Variants in KIF6 observed in about 807,000 individuals in gnomAD.
KIF6 encodes kinesin family member 6.
A neutral mutation model predicts 112.7 loss-of-function variants in KIF6; 106 were observed. That is an observed-to-expected ratio of 0.94 (90% CI 0.80 to 1.11). KIF6 has a LOEUF of 1.11. Ranked by LOEUF, KIF6 falls within the 50% of genes least tolerant of loss-of-function variation. KIF6 has a pLI of 0.00. For missense variants in KIF6, 929 were observed against 964.0 expected (o/e 0.96, Z 0.48); for synonymous variants, 339 against 339.9 (o/e 1.00, Z 0.03).
intron 3 of KIF6, among the ~76,000 whole-genome samples, chr6:39,707,215 C>T (rs1789262968): frequency 6.6e-6 from 1 of 152,206 alleles, no homozygotes; most frequent in Non-Finnish European, 1.5e-5. Flanking sequence ...TAACATTTTA[C>T]CAGTTTGAAT....
At chr6:39,485,912 G>A (rs1344374768) in intron 13 of KIF6, among the ~76,000 whole-genome samples, 1 of 152,176 alleles carries the variant, frequency 6.6e-6, no homozygotes, top group African/African-American at 2.4e-5. Context: ...GGAGATAGGT[G>A]TATATATTAT....
At chr6:39,454,685 G>A (rs1378248702) in intron 13 of KIF6, among the ~76,000 whole-genome samples, 1 of 152,226 alleles carries the variant, frequency 6.6e-6, no homozygotes, top group Non-Finnish European at 1.5e-5. Context: ...AGCCGAAGCA[G>A]GGCGAGGCAT....
At chr6:39,358,923 CCT>C (rs375689797) in intron 18 of KIF6, among the ~76,000 whole-genome samples, 40 of 152,228 alleles carry the variant, frequency 2.6e-4, no homozygotes, top group African/African-American at 9.6e-4. Flanking sequence ...AAATATTGGG[CCT>C]ACACCTAGAT....
rs181075104 is a variant in KIF6 at position 39,634,550 on chromosome 6, G to C, written c.509+299C>G. 2.2e-4 allele frequency among the ~76,000 whole-genome samples: 33 copies of C among 152,048 alleles called. 1 individual carries two copies. Among genetic ancestry groups the C allele is most frequent in the Non-Finnish European group, 4.4e-4 (30 of 67,992 alleles). On this transcript the variant is annotated intron_variant, in intron 5 of 22. Coordinates refer to ENST00000287152, the MANE Select transcript of KIF6 (RefSeq NM_145027.6). Reference sequence around the variant, plus strand: ...GGTTTCATGTGGCAGGAAGAAAGTAGTACTGTCATATCCCATCAATCCTCT... The same window carrying C: ...GGTTTCATGTGGCAGGAAGAAAGTACTACTGTCATATCCCATCAATCCTCT...
At chr6:39,585,030 T>A in intron 8 of KIF6, 46 bp from the exon 9 acceptor site, 7 of 1,043,126 alleles carry the variant, frequency 6.7e-6, no homozygotes, top group Non-Finnish European at 8.9e-6. Flanking sequence ...CATAGAGAGA[T>A]ATTTCTTTCT....
rs1279106315 is a variant in KIF6 at position 39,346,496 on chromosome 6, GC to G, written c.2210del (p.Gly737AlafsTer10). The G allele has an allele frequency of 4.2e-6, 3 of 715,134 alleles. No individual in the cohort carries two copies. Among genetic ancestry groups the G allele is most frequent in the Non-Finnish European group, 7.8e-6 (3 of 385,022 alleles). The allele number at this position is 715,134 out of a possible 1,614,324, so 44.3% of individuals were successfully genotyped here. ...CTCACCAGACATCGAATCTGCCAGT[GC>G]CTTGATCTTGGACTTCCCAGCCTCC... ...SSGGWEVQDQ[G>X]TGRFDVCDVN... On this transcript the variant is annotated frameshift_variant, in exon 20 of 23. Transcript: ENST00000287152. LOFTEE classifies it high-confidence loss of function.
intron 3 of KIF6, among the ~76,000 whole-genome samples, chr6:39,669,768 C>G (rs1327498012): frequency 6.6e-6 from 1 of 152,214 alleles, no homozygotes; most frequent in Non-Finnish European, 1.5e-5. Context: ...AGTGTGGAGT[C>G]TGCAGTAACT....
intron 8 of KIF6, 97 bp downstream of exon 8, chr6:39,586,164 C>T: frequency 8.0e-7 from 1 of 1,256,576 alleles, no homozygotes; most frequent in South Asian, 1.3e-5. Context: ...GCATACCCAG[C>T]TGAAAATGTA....
intron 19 of KIF6, among the ~76,000 whole-genome samples, chr6:39,354,456 C>T (rs1764490669): frequency 6.6e-6 from 1 of 152,168 alleles, no homozygotes; most frequent in African/African-American, 2.4e-5. Context: ...ATCCCATATG[C>T]AAAGACACAA....
chr6:39,621,196 G>GACACACACACACAC (rs55752326), intron 5 of KIF6, among the ~76,000 whole-genome samples: 10 of 136,010 alleles, frequency 7.4e-5, no homozygotes, highest in African/African-American at 2.3e-4. Flanking sequence ...CCGTAAGATA[G>GACACACACACACAC]ACACACACAC....
rs188453785 is a variant in KIF6 at position 39,680,006 on chromosome 6, G to A, written c.251+34686C>T. Among the ~76,000 whole-genome samples, 61 of 150,552 alleles carry A rather than the reference G, an allele frequency of 4.1e-4. 2 individuals are homozygous for A. The highest frequency in any genetic ancestry group is 1.6e-4 in the Non-Finnish European group (11 of 67,520). ...ATCTCAAATAAAACAAGTATAGTTAGTTTTTTTGTTTGTTTATTTTGAGGC... is the reference window on the plus strand; with the variant it reads ...ATCTCAAATAAAACAAGTATAGTTAATTTTTTTGTTTGTTTATTTTGAGGC... On this transcript the variant is annotated intron_variant, in intron 3 of 22. Coordinates refer to ENST00000287152, the MANE Select transcript of KIF6 (RefSeq NM_145027.6).
chr6:39,614,916 A>T (rs1174411305), intron 5 of KIF6, among the ~76,000 whole-genome samples: 1 of 152,204 alleles, frequency 6.6e-6, no homozygotes, highest in Non-Finnish European at 1.5e-5. Flanking sequence ...GGAAGTAATG[A>T]TTCTTCCTAA....
At chr6:39,433,129 A>G (rs552467870) in intron 13 of KIF6, among the ~76,000 whole-genome samples, 1 of 152,392 alleles carries the variant, frequency 6.6e-6, no homozygotes, top group African/African-American at 2.4e-5. Flanking sequence ...AGCCCACGGC[A>G]CTGTGGCGGC....
At chr6:39,405,194 T>G (rs1441185345) in intron 15 of KIF6, among the ~76,000 whole-genome samples, 1 of 152,160 alleles carries the variant, frequency 6.6e-6, no homozygotes, top group Non-Finnish European at 1.5e-5. Context: ...TTTCACATTC[T>G]ATGCCTTTTA....
At chr6:39,642,693 T>TA (rs369464502) in intron 3 of KIF6, among the ~76,000 whole-genome samples, 127 of 152,262 alleles carry the variant, frequency 8.3e-4, no homozygotes, top group African/African-American at 2.8e-3. Flanking sequence ...AACAAGAACG[T>TA]AACCAAAAAC....
At chr6:39,455,243 C>A (rs1388333283) in intron 13 of KIF6, among the ~76,000 whole-genome samples, 4 of 151,562 alleles carry the variant, frequency 2.6e-5, no homozygotes, top group African/African-American at 9.7e-5. Flanking sequence ...CTGGGAGGCA[C>A]CCCCCAGCAG....
intron 3 of KIF6, among the ~76,000 whole-genome samples, chr6:39,641,426 T>C (rs1174237495): frequency 6.6e-6 from 1 of 150,704 alleles, no homozygotes; most frequent in Non-Finnish European, 1.5e-5. Context: ...TCCTCACTCA[T>C]AGGTGGGAAT....
intron 13 of KIF6, among the ~76,000 whole-genome samples, chr6:39,511,876 T>A (rs1776807744): frequency 1.3e-5 from 2 of 152,112 alleles, no homozygotes; most frequent in African/African-American, 4.8e-5. Context: ...TTCTCACTCA[T>A]AAGTGGGAGT....
At chr6:39,380,547 A>C (rs1318293525) in intron 16 of KIF6, among the ~76,000 whole-genome samples, 1 of 152,206 alleles carries the variant, frequency 6.6e-6, no homozygotes, top group African/African-American at 2.4e-5. Context: ...GTGTGTGCAC[A>C]TGCACGCGCA....
Sources: gnomAD v4.1 joint callset for allele counts (sites outside exome capture counted in the v4.1 genomes callset) on GRCh38, gnomAD v4.1.1 for gene constraint, MANE v1.5 for transcripts, NCBI Gene and HGNC (gene_info 2026-07-23, HGNC 2026-07-21) for gene names.